PCDH11X: variants seen among roughly 807,000 people sequenced by gnomAD.
The protein encoded by PCDH11X is protocadherin 11 X-linked, also known as protocadherin-11 X-linked.
Under a neutral mutation model 53.3 loss-of-function variants are expected in PCDH11X, and 18 were observed. The observed-to-expected ratio is 0.34, with a 90% CI of 0.23 to 0.50. The LOEUF is 0.50. Ranked by LOEUF, PCDH11X falls within the 20% of genes least tolerant of loss-of-function variation. The pLI, the probability that PCDH11X is intolerant of heterozygous loss-of-function variation, is 0.98. For synonymous variants in PCDH11X, 279 were observed against 393.3 expected, an observed-to-expected ratio of 0.71 and a Z score of 3.44; for missense variants, 570 against 1,032.4, an observed-to-expected ratio of 0.55 and a Z score of 6.14.
In PCDH11X at chrX:91,878,976, A is replaced by T; in HGVS notation, c.2736A>T (p.Glu912Asp). ...RVTLDLPIDLEEQTMGKYNWV... is the reference protein window; with the variant it reads ...RVTLDLPIDLDEQTMGKYNWV... ...CACTAGACCTTCCTATTGATCTAGAAGAGCAAACAATGGGAAAGTACAATT... is the reference window on the plus strand; with the variant it reads ...CACTAGACCTTCCTATTGATCTAGATGAGCAAACAATGGGAAAGTACAATT... The change falls in exon 6 of 11, where the codon GAA (glutamate) becomes GAT (aspartate). Residue 912 changes from glutamate (E) to aspartate (D), a missense_variant. By Grantham distance (45) the Glu-to-Asp change is conservative. This residue lies in a region of PCDH11X where 226 missense variants were observed against 457.5 expected (regional missense o/e 0.49). Transcript: ENST00000682573. 4 of 1,211,715 alleles carry T rather than the reference A, an allele frequency of 3.3e-6. No individual in the cohort carries two copies. The highest frequency in any genetic ancestry group is 4.5e-6 in the Non-Finnish European group (4 of 895,426).
chrX:91,825,943 C>T (rs888511918), intron 4 of PCDH11X, among the ~76,000 whole-genome samples: 14 of 107,406 alleles, frequency 1.3e-4, no homozygotes, highest in African/African-American at 3.2e-4. Flanking sequence ...TTGTGTATTA[C>T]GTAGGGAGTT....
At chrX:92,522,921 T>A (rs1231676128) in intron 10 of PCDH11X, among the ~76,000 whole-genome samples, 1 of 111,406 alleles carries the variant, frequency 9.0e-6, no homozygotes, top group Admixed American at 9.5e-5. Context: ...ATCACTTGGA[T>A]GAAATGTATC....
At chrX:92,021,706 G>A (rs2062887323) in intron 6 of PCDH11X, among the ~76,000 whole-genome samples, 1 of 102,979 alleles carries the variant, frequency 9.7e-6, no homozygotes, top group Admixed American at 1.1e-4. Context: ...ATCAACCCCA[G>A]AACACATAAT....
chrX:92,013,551 C>A (rs2062731046), intron 6 of PCDH11X, among the ~76,000 whole-genome samples: 1 of 111,467 alleles, frequency 9.0e-6, no homozygotes, highest in Non-Finnish European at 1.9e-5. Flanking sequence ...TCATTTGGAA[C>A]CAAAAAAGAG....
chrX:92,081,830 T>C (rs1168795820), intron 6 of PCDH11X, among the ~76,000 whole-genome samples: 2 of 111,614 alleles, frequency 1.8e-5, no homozygotes, highest in African/African-American at 6.5e-5. Context: ...CCATGATGAT[T>C]ATATGATGGT....
chrX:92,475,650 C>T (rs1455264353), intron 10 of PCDH11X, among the ~76,000 whole-genome samples: 5 of 111,674 alleles, frequency 4.5e-5, no homozygotes, highest in African/African-American at 1.3e-4. Flanking sequence ...TTAAATGCTT[C>T]GAGATAGTCT....
intron 1 of PCDH11X, among the ~76,000 whole-genome samples, chrX:91,803,382 A>T (rs1050040328): frequency 5.4e-5 from 6 of 110,811 alleles, no homozygotes; most frequent in African/African-American, 2.0e-4. Context: ...CTAAACTCGG[A>T]TTTCAAACAG....
intron 6 of PCDH11X, among the ~76,000 whole-genome samples, chrX:92,133,106 G>C (rs1303391111): frequency 9.0e-6 from 1 of 110,883 alleles, no homozygotes; most frequent in African/African-American, 3.3e-5. Context: ...GTTTATATAT[G>C]AAGAGAATAC....
chrX:92,497,718 T>G (rs1226941938), intron 10 of PCDH11X, among the ~76,000 whole-genome samples: 1 of 111,159 alleles, frequency 9.0e-6, no homozygotes, highest in Admixed American at 9.7e-5. Flanking sequence ...TTAGTAATTA[T>G]GAAAATGGAA....
At chrX:92,580,322 C>T (rs34441382) in intron 10 of PCDH11X, among the ~76,000 whole-genome samples, 33,783 of 103,547 alleles carry the variant, frequency 0.33, 5,682 homozygotes, top group African/African-American at 0.51. Context: ...CCTGGACTTC[C>T]CAGAGCCAGC....
At chrX:91,953,282 C>T (rs1413657369) in intron 6 of PCDH11X, among the ~76,000 whole-genome samples, 1 of 110,213 alleles carries the variant, frequency 9.1e-6, no homozygotes, top group African/African-American at 3.3e-5. Flanking sequence ...ATGCCTGTAT[C>T]GAAACATCTT....
intron 9 of PCDH11X, among the ~76,000 whole-genome samples, chrX:92,404,316 C>A (rs1187250570): frequency 3.8e-5 from 4 of 106,381 alleles, no homozygotes; most frequent in Non-Finnish European, 7.6e-5. Context: ...TTTGGACTTT[C>A]AAAGAAATGT....
chrX:91,926,845 C>T (rs935739700), intron 6 of PCDH11X, among the ~76,000 whole-genome samples: 3 of 110,597 alleles, frequency 2.7e-5, no homozygotes, highest in Non-Finnish European at 5.7e-5. Flanking sequence ...CTCCTTCTAA[C>T]GATTTGATAT....
chrX:92,607,309 G>T (rs927588234), intron 10 of PCDH11X, among the ~76,000 whole-genome samples: 3 of 110,072 alleles, frequency 2.7e-5, no homozygotes, highest in African/African-American at 9.9e-5. Flanking sequence ...CTGAAGTACT[G>T]ATACATACTA....
At chrX:92,377,330 A>G (rs2070774470) in intron 8 of PCDH11X, among the ~76,000 whole-genome samples, 1 of 110,655 alleles carries the variant, frequency 9.0e-6, no homozygotes. Flanking sequence ...CCCCAACACT[A>G]CAGTTTATAG....
chrX:92,277,596 G>T (rs1220164592), intron 8 of PCDH11X, among the ~76,000 whole-genome samples: 1 of 108,507 alleles, frequency 9.2e-6, no homozygotes, highest in Non-Finnish European at 1.9e-5. Flanking sequence ...AGAAAAGTGG[G>T]AAAAGTGGTT....
intron 6 of PCDH11X, among the ~76,000 whole-genome samples, chrX:92,120,608 T>G (rs912610884): frequency 3.5e-5 from 4 of 112,715 alleles, no homozygotes; most frequent in African/African-American, 1.3e-4. Flanking sequence ...TCATTAGCCT[T>G]GTATTTTTAT....
At chrX:92,575,557 A>G (rs1202910181) in intron 10 of PCDH11X, among the ~76,000 whole-genome samples, 4 of 109,077 alleles carry the variant, frequency 3.7e-5, no homozygotes. Context: ...GTTCATTAGT[A>G]AAGTGTGAGC....
At chrX:92,372,012 A>G (rs2070636451) in intron 8 of PCDH11X, among the ~76,000 whole-genome samples, 1 of 111,119 alleles carries the variant, frequency 9.0e-6, no homozygotes, top group South Asian at 3.8e-4. Flanking sequence ...TTATTTATTG[A>G]GTATGATTCC....
Sources: allele counts gnomAD v4.1 joint callset (sites outside exome capture counted in the v4.1 genomes callset), GRCh38; gene constraint gnomAD v4.1.1; regional missense constraint gnomAD v4.1.1; transcripts MANE v1.5; gene names NCBI Gene and HGNC (gene_info 2026-07-23, HGNC 2026-07-21).